The following SRGAP3 variants were observed in gnomAD, a reference collection of about 807,000 sequenced individuals.
SRGAP3 encodes the protein SLIT-ROBO Rho GTPase-activating protein 3.
SRGAP3 carries 39 observed loss-of-function variants against 121.1 expected under a neutral mutation model. The observed-to-expected ratio is 0.32, with a 90% CI of 0.25 to 0.42. The LOEUF (loss-of-function observed/expected upper bound fraction) is 0.42, where lower values mean the gene tolerates loss of function less well. Ranked by LOEUF, SRGAP3 falls within the 10% of genes least tolerant of loss-of-function variation. The pLI is 1.00. For synonymous variants in SRGAP3, 601 were observed against 570.0 expected, an observed-to-expected ratio of 1.05 and a Z score of -0.77; for missense variants, 1,213 against 1,470.6, an observed-to-expected ratio of 0.82 and a Z score of 2.86.
chr3:9,313,115 C>T (rs372176837), intron 3 of SRGAP3, among the ~76,000 whole-genome samples: 1 of 152,202 alleles, frequency 6.6e-6, no homozygotes, highest in South Asian at 2.1e-4. Context: ...AGCCACACTC[C>T]TCTCCCAAGT....
At chr3:9,017,727 T>C (rs1353178030) in intron 14 of SRGAP3, among the ~76,000 whole-genome samples, 1 of 152,194 alleles carries the variant, frequency 6.6e-6, no homozygotes, top group Non-Finnish European at 1.5e-5. Context: ...ATTTTTTCTT[T>C]TACTGATATA....
At chr3:9,164,627 A>G (rs549741021) in intron 1 of SRGAP3, among the ~76,000 whole-genome samples, 3 of 152,192 alleles carry the variant, frequency 2.0e-5, no homozygotes, top group African/African-American at 4.8e-5. Flanking sequence ...ACACACTCAC[A>G]GATGCACACA....
chr3:9,060,083 A>T, intron 6 of SRGAP3, 148 bp downstream of exon 6: 1 of 1,267,066 alleles, frequency 7.9e-7, no homozygotes, highest in Non-Finnish European at 1.1e-6. Context: ...TCCCCAAATC[A>T]CTGCCCTTCC....
chr3:9,231,714 C>T (rs951022099), intron 1 of SRGAP3, among the ~76,000 whole-genome samples: 27 of 152,142 alleles, frequency 1.8e-4, no homozygotes, highest in African/African-American at 6.0e-4. Flanking sequence ...TAAACAACCC[C>T]ACTGTAATAG....
At chr3:9,159,095 G>A (rs566792174) in intron 1 of SRGAP3, among the ~76,000 whole-genome samples, 3 of 152,070 alleles carry the variant, frequency 2.0e-5, no homozygotes, top group Non-Finnish European at 4.4e-5. Context: ...GTTCCAACTC[G>A]TGTTCTGTAC....
At chr3:9,074,002 T>C (rs1482007933) in intron 4 of SRGAP3, among the ~76,000 whole-genome samples, 1 of 152,238 alleles carries the variant, frequency 6.6e-6, no homozygotes, top group Non-Finnish European at 1.5e-5. Flanking sequence ...GTTTAATTAC[T>C]GTCTTATTTT....
intron 18 of SRGAP3, among the ~76,000 whole-genome samples, chr3:8,995,473 C>T (rs1243971946): frequency 6.6e-6 from 1 of 152,132 alleles, no homozygotes; most frequent in Non-Finnish European, 1.5e-5. Flanking sequence ...AAGACCCTGT[C>T]TCAAAACAAA....
intron 10 of SRGAP3, among the ~76,000 whole-genome samples, chr3:9,040,799 G>T (rs893178241): frequency 6.6e-6 from 1 of 152,074 alleles, no homozygotes; most frequent in South Asian, 2.1e-4. Flanking sequence ...GCACACACTT[G>T]TCTCTTTATA....
chr3:9,194,286 T>C (rs758500067), intron 1 of SRGAP3: 43 of 152,140 alleles, frequency 2.8e-4, no homozygotes, highest in Non-Finnish European at 6.2e-4. Flanking sequence ...GGCCATTTAC[T>C]AGCTGTGTGA....
Position 9,265,504 on chromosome 3 carries a change from C to T in SRGAP3, n.442+60506G>A, listed in dbSNP as rs1036261157. On this transcript the variant is annotated intron_variant and non_coding_transcript_variant, in intron 3 of 3. Coordinates refer to the SRGAP3 transcript ENST00000490889. Reference sequence around the variant, plus strand: ...ACAAAGGGCTAATATCCAGAATCTACAAGGAACTTAAGCAAATTTACAAGA... The same window carrying T: ...ACAAAGGGCTAATATCCAGAATCTATAAGGAACTTAAGCAAATTTACAAGA... Among the ~76,000 whole-genome samples the T allele has an allele frequency of 6.6e-5, 10 of 151,680 alleles. 1 individual carries two copies. The highest frequency in any genetic ancestry group is 2.4e-4 in the African/African-American group (10 of 41,284).
intron 1 of SRGAP3, among the ~76,000 whole-genome samples, chr3:9,199,644 T>C (rs1166551669): frequency 2.0e-5 from 3 of 152,218 alleles, no homozygotes; most frequent in Non-Finnish European, 2.9e-5. Flanking sequence ...CAATGATCAT[T>C]TTCGAGAGCA....
chr3:9,189,453 G>A (rs1308694943), intron 1 of SRGAP3, among the ~76,000 whole-genome samples: 2 of 152,150 alleles, frequency 1.3e-5, no homozygotes, highest in Non-Finnish European at 2.9e-5. Context: ...AAGTATCTGT[G>A]GAGCCTGAAA....
At chr3:9,343,538 T>C (rs1955829305) in intron 1 of SRGAP3, among the ~76,000 whole-genome samples, 1 of 152,240 alleles carries the variant, frequency 6.6e-6, no homozygotes, top group Non-Finnish European at 1.5e-5. Context: ...ATTGTAGACA[T>C]TTCAGAAAAA....
intron 2 of SRGAP3, among the ~76,000 whole-genome samples, chr3:9,120,468 G>A (rs959549839): frequency 2.6e-5 from 4 of 152,134 alleles, no homozygotes; most frequent in East Asian, 3.9e-4. Flanking sequence ...TTGTGTCTTC[G>A]GCACTGAGCA....
In SRGAP3 at chr3:8,985,605, T is replaced by C; in HGVS notation, c.3214A>G (p.Ser1072Gly). The change falls in exon 22 of 22, where the codon AGC (serine) becomes GGC (glycine). Residue 1072 changes from serine to glycine, a missense_variant. Coordinates refer to ENST00000383836, the MANE Select transcript of SRGAP3 (RefSeq NM_014850.4). The surrounding 1 kb of genome is among the most constrained non-coding windows in gnomAD (Gnocchi z 5.1). ...GCCGGGCTGCCCACGCCCGAGCTGC[T>C]GCTGCTGCTGGACCGGTGCTGGACC... ...PVVQHRSSSS[S>G]SSGVGSPAVT... 6.3e-7 allele frequency: 1 copy of C among 1,597,524 alleles called. No individual in the cohort carries two copies. The highest frequency in any genetic ancestry group is 8.5e-7 in the Non-Finnish European group (1 of 1,179,072).
At position 9,202,568 on chromosome 3, in the gene SRGAP3, C is replaced by T. The variant is rs142024667; in HGVS notation, c.67+46317G>A. ...ACTCTTGTCTGGAGCAGAGGTTTCC[C>T]TGCCAAGGCACAGACCTCCACATGG... is the stretch of plus-strand genomic sequence containing the variant. On this transcript the variant is annotated intron_variant, in intron 1 of 21. Coordinates refer to ENST00000383836, the MANE Select transcript of SRGAP3 (RefSeq NM_014850.4). 8.7e-3 allele frequency among the ~76,000 whole-genome samples: 1,332 copies of T among 152,342 alleles called. 24 individuals are homozygous for T. Among genetic ancestry groups the T allele is most frequent in the African/African-American group, 0.03 (1,263 of 41,572 alleles).
intron 3 of SRGAP3, among the ~76,000 whole-genome samples, chr3:9,297,068 A>G (rs749327794): frequency 1.1e-4 from 16 of 152,100 alleles, no homozygotes; most frequent in Non-Finnish European, 2.2e-4. Flanking sequence ...TATTTTTTGT[A>G]GAAACAAGGT....
chr3:9,058,806 G>T lies in SRGAP3; in HGVS notation c.802-334C>A, dbSNP rs1036722146. The T allele has an allele frequency of 5.0e-5, 14 of 280,252 alleles. No individual in the cohort carries two copies. In the South Asian group the frequency reaches 5.6e-4, roughly 11 times the overall value. 17.4% of individuals were successfully genotyped at this position (280,252 alleles called of 1,614,324 possible). On this transcript the variant is annotated intron_variant, in intron 6 of 21. Coordinates refer to ENST00000383836, the MANE Select transcript of SRGAP3 (RefSeq NM_014850.4). ...ACGATCTCGGCTCACTGCTACCTCC[G>T]CCTCCCGGGTTCAATCGATTCTCCT... is the stretch of plus-strand genomic sequence containing the variant.
At chr3:9,073,051 G>A (rs1369807741) in intron 4 of SRGAP3, among the ~76,000 whole-genome samples, 18 of 152,226 alleles carry the variant, frequency 1.2e-4, no homozygotes, top group East Asian at 1.9e-4. Context: ...CTAACAGAAC[G>A]CTTCTATTTA....
Sources: gnomAD v4.1 joint callset for allele counts (sites outside exome capture counted in the v4.1 genomes callset) on GRCh38, gnomAD v4.1.1 for gene constraint, Gnocchi (gnomAD v3.1) non-coding constraint, MANE v1.5 for transcripts, NCBI Gene and HGNC (gene_info 2026-07-23, HGNC 2026-07-21) for gene names.